The following DUSP16 variants were observed in gnomAD, a reference collection of about 807,000 sequenced individuals.
DUSP16 encodes the protein dual specificity protein phosphatase 16.
DUSP16 carries 21 observed loss-of-function variants against 58.3 expected under a neutral mutation model. That is an observed-to-expected ratio of 0.36 (90% CI 0.26 to 0.52). The LOEUF (loss-of-function observed/expected upper bound fraction) is 0.52. DUSP16 is among the 20% of genes least tolerant of loss of function. The pLI, the probability that DUSP16 is intolerant of heterozygous loss-of-function variation, is 0.94. For missense variants in DUSP16, 726 were observed against 819.0 expected (o/e 0.89, Z 1.39); for synonymous variants, 320 against 323.8 (o/e 0.99, Z 0.12).
At chr12:12,478,484 G>C (rs757261701) in intron 6 of DUSP16, among the ~76,000 whole-genome samples, 1 of 152,026 alleles carries the variant, frequency 6.6e-6, no homozygotes, top group African/African-American at 2.4e-5. Context: ...AGGACTACAC[G>C]CTTGGCTAAT....
intron 1 of DUSP16, among the ~76,000 whole-genome samples, chr12:12,540,120 G>A (rs1203448605): frequency 2.1e-5 from 3 of 146,034 alleles, no homozygotes; most frequent in Admixed American, 7.0e-5. Flanking sequence ...CTGAGACCCC[G>A]ACTCTACTTT....
At chr12:12,489,643 G>C (rs1943735403) in intron 4 of DUSP16, among the ~76,000 whole-genome samples, 1 of 151,840 alleles carries the variant, frequency 6.6e-6, no homozygotes, top group South Asian at 2.1e-4. Context: ...GACTCTAATA[G>C]TGTTACACAC....
chr12:12,497,720 C>T (rs1943848831), intron 4 of DUSP16, among the ~76,000 whole-genome samples: 1 of 151,352 alleles, frequency 6.6e-6, no homozygotes, highest in South Asian at 2.1e-4. Context: ...GCCTGTAATC[C>T]CAGCACTTTG....
intron 4 of DUSP16, 141 bp from the exon 5 acceptor site, chr12:12,487,328 C>A: frequency 2.1e-6 from 2 of 943,906 alleles, no homozygotes; most frequent in African/African-American, 1.7e-5. Flanking sequence ...AGTCCAAAAA[C>A]CTAGCAAAAT....
At chr12:12,545,144 C>T (rs1006136161) in intron 1 of DUSP16, among the ~76,000 whole-genome samples, 23 of 152,116 alleles carry the variant, frequency 1.5e-4, no homozygotes, top group Admixed American at 1.3e-3. Context: ...AGATTTATTA[C>T]CAGCATTTGA....
At chr12:12,518,520 A>T (rs1944186527) in intron 3 of DUSP16, among the ~76,000 whole-genome samples, 1 of 152,064 alleles carries the variant, frequency 6.6e-6, no homozygotes, top group South Asian at 2.1e-4. Context: ...CTCAAAAAAA[A>T]AAAAAGAAAA....
intron 1 of DUSP16, among the ~76,000 whole-genome samples, chr12:12,540,130 TA>T (rs34452441): frequency 6.2e-4 from 86 of 139,808 alleles, no homozygotes; most frequent in Middle Eastern, 7.3e-3. Flanking sequence ...GACTCTACTT[TA>T]AAAAAAAAAA....
In DUSP16 at chr12:12,553,879, T is replaced by C. The variant is rs562359546; in HGVS notation, c.-366+8238A>G. 2.2e-4 allele frequency among the ~76,000 whole-genome samples: 33 copies of C among 152,304 alleles called. No individual in the cohort carries two copies. The East Asian group carries it at 6.2e-3, about 28-fold the overall frequency. On this transcript the variant is annotated intron_variant, in intron 1 of 6. Coordinates refer to ENST00000298573, the MANE Select transcript of DUSP16 (RefSeq NM_030640.3). ...AATTTTCCTTATTCTTAAAATTTTA[T>C]TACTAAAAACAGAACTTATAGAAAA...
chr12:12,521,425 T>C lies in DUSP16; in HGVS notation c.-327A>G, dbSNP rs1348324163. 9.4e-6 allele frequency: 11 copies of C among 1,174,666 alleles called. No homozygotes were observed. Among genetic ancestry groups the C allele is most frequent in the African/African-American group, 1.6e-5 (1 of 63,690 alleles). The allele number at this position is 1,174,666 out of a possible 1,614,324, so 72.8% of individuals were successfully genotyped here. On this transcript the variant is annotated 5_prime_UTR_variant, in exon 2 of 7. Coordinates refer to ENST00000298573, the MANE Select transcript of DUSP16 (RefSeq NM_030640.3). Reference sequence around the variant, plus strand: ...AGCGCATTACATCATTCTTTACCTTTGCTCCCGCGCTCCAACAGCTTTACA... The same window carrying C: ...AGCGCATTACATCATTCTTTACCTTCGCTCCCGCGCTCCAACAGCTTTACA...
chr12:12,553,510 C>G (rs1223835670), intron 1 of DUSP16, among the ~76,000 whole-genome samples: 1 of 152,138 alleles, frequency 6.6e-6, no homozygotes, highest in Non-Finnish European at 1.5e-5. Flanking sequence ...TACAAGATCT[C>G]AAAGTTAAGC....
intron 4 of DUSP16, among the ~76,000 whole-genome samples, chr12:12,491,085 G>T (rs552165163): frequency 6.7e-6 from 1 of 149,534 alleles, no homozygotes; most frequent in Non-Finnish European, 1.5e-5. Context: ...AAAAGATGTC[G>T]TGAAATCTCT....
At chr12:12,552,659 TAAAG>T (rs963489161) in intron 1 of DUSP16, among the ~76,000 whole-genome samples, 2 of 152,196 alleles carry the variant, frequency 1.3e-5, no homozygotes, top group Admixed American at 1.3e-4. Context: ...CTATCTTCTA[TAAAG>T]AAATATACTA....
intron 3 of DUSP16, among the ~76,000 whole-genome samples, chr12:12,518,512 C>CAAAAAAAAAA (rs879763438): frequency 5.0e-5 from 6 of 120,450 alleles, no homozygotes; most frequent in African/African-American, 1.8e-4. Flanking sequence ...AATTCTGTCT[C>CAAAAAAAAAA]AAAAAAAAAA....
chr12:12,500,726 C>T, intron 3 of DUSP16, 44 bp from the exon 4 acceptor site: 1 of 1,466,206 alleles, frequency 6.8e-7, no homozygotes, highest in Non-Finnish European at 9.0e-7. Context: ...ATGCCACGCA[C>T]AAAATAAAAA....
intron 3 of DUSP16, among the ~76,000 whole-genome samples, chr12:12,502,916 G>A (rs1310171370): frequency 6.6e-6 from 1 of 151,848 alleles, no homozygotes; most frequent in African/African-American, 2.4e-5. Flanking sequence ...CCCTCACACC[G>A]CCCCATGCAT....
intron 3 of DUSP16, among the ~76,000 whole-genome samples, chr12:12,519,230 CT>C (rs1487088580): frequency 1.3e-5 from 2 of 152,198 alleles, no homozygotes; most frequent in African/African-American, 2.4e-5. Context: ...ATATTTGGTC[CT>C]TCCCACACAC....
At chr12:12,482,253 T>C (rs1192558542) in intron 5 of DUSP16, among the ~76,000 whole-genome samples, 1 of 152,146 alleles carries the variant, frequency 6.6e-6, no homozygotes, top group African/African-American at 2.4e-5. Flanking sequence ...TGATACTGGC[T>C]GATACATATT....
At chr12:12,511,373 C>T (rs1479419956) in intron 3 of DUSP16, among the ~76,000 whole-genome samples, 1 of 152,202 alleles carries the variant, frequency 6.6e-6, no homozygotes, top group African/African-American at 2.4e-5. Flanking sequence ...ATTCTTCCTT[C>T]TGATTTAAAG....
rs931360763 is a variant in DUSP16 at position 12,475,420 on chromosome 12, C to G, written c.*1413G>C. The G allele has an allele frequency of 7.9e-5, 12 of 152,266 alleles. No homozygotes were observed. Among genetic ancestry groups the G allele is most frequent in the Non-Finnish European group, 1.6e-4 (11 of 68,090 alleles). 9.4% of individuals were successfully genotyped at this position (152,266 alleles called of 1,614,324 possible). On this transcript the variant is annotated 3_prime_UTR_variant, in exon 7 of 7. Transcript: ENST00000298573. The stretch of plus-strand genomic sequence containing the variant: ...TGTAGGTTGAGGACTGAGGACGCCC[C>G]TTTGCTCTCGCTCCATTTTGATTTG...
Sources: gnomAD v4.1 joint callset for allele counts (sites outside exome capture counted in the v4.1 genomes callset) on GRCh38, gnomAD v4.1.1 for gene constraint, MANE v1.5 for transcripts, NCBI Gene and HGNC (gene_info 2026-07-23, HGNC 2026-07-21) for gene names.